Variants in KIF26A observed in about 807,000 individuals in gnomAD.
The protein encoded by KIF26A is kinesin family member 26A.
In KIF26A, 74 loss-of-function variants were observed where a neutral mutation model predicts 126.0. The observed-to-expected ratio is 0.59, with a 90% CI of 0.49 to 0.71. The LOEUF (loss-of-function observed/expected upper bound fraction) is 0.71. Among genes scored for constraint, KIF26A ranks in the 30% least tolerant of loss-of-function variants. The pLI, the probability that KIF26A is intolerant of heterozygous loss-of-function variation, is 0.00. For missense variants in KIF26A, 2,984 were observed against 2,763.3 expected (o/e 1.08, Z -1.79); for synonymous variants, 1,445 against 1,232.7 (o/e 1.17, Z -3.61).
intron 5 of KIF26A, among the ~76,000 whole-genome samples, chr14:104,169,683 C>T (rs960723828): frequency 2.0e-5 from 3 of 152,248 alleles, no homozygotes; most frequent in African/African-American, 7.2e-5. Flanking sequence ...TAAGATAATT[C>T]ATCACAGTGT....
chr14:104,178,508 G>C (rs1364988010), intron 12 of KIF26A, 42 bp from the exon 13 acceptor site: 1 of 1,391,232 alleles, frequency 7.2e-7, no homozygotes, highest in South Asian at 1.6e-5. Context: ...GCTTGGGCTG[G>C]GCCCCGCCTC....
intron 4 of KIF26A, among the ~76,000 whole-genome samples, chr14:104,164,003 C>T (rs1024043043): frequency 6.6e-6 from 1 of 152,316 alleles, no homozygotes; most frequent in Admixed American, 6.5e-5. Flanking sequence ...CACTGCCCTA[C>T]TAAGGACTCC....
At chr14:104,161,369 G>A (rs1303834182) in intron 4 of KIF26A, among the ~76,000 whole-genome samples, 1 of 152,204 alleles carries the variant, frequency 6.6e-6, no homozygotes, top group East Asian at 1.9e-4. Flanking sequence ...GAAGCTCTGG[G>A]TTGGCCATAA....
rs370158892 is a variant in KIF26A at position 104,139,536 on chromosome 14, C to T, written c.288+248C>T. Among the ~76,000 whole-genome samples, 87 of 152,304 alleles carry T rather than the reference C, an allele frequency of 5.7e-4. 1 individual carries two copies. The East Asian group carries it at 0.012, about 21-fold the overall frequency. On this transcript the variant is annotated intron_variant, in intron 2 of 14. Transcript: ENST00000423312. The stretch of plus-strand genomic sequence containing the variant: ...AGGGGCCTGGGCTGGCGTTCCTCCC[C>T]CAGCCCAGATGTCCCACAGCTGGAA...
intron 4 of KIF26A, among the ~76,000 whole-genome samples, chr14:104,164,099 C>G (rs779397541): frequency 2.0e-5 from 3 of 152,032 alleles, no homozygotes; most frequent in African/African-American, 7.2e-5. Context: ...AGAGACAGCT[C>G]CTATTCAAAA....
intron 4 of KIF26A, among the ~76,000 whole-genome samples, chr14:104,166,395 G>A (rs2487306): frequency 6.6e-6 from 1 of 152,252 alleles, no homozygotes; most frequent in East Asian, 1.9e-4. Flanking sequence ...CACCTCATCC[G>A]ACTTTGGAGA....
rs146848241 is a variant in KIF26A, at chr14:104,146,429, C to T, written c.289-5586C>T. ...CCTAGAGGCCTGTGGGGAGAGGGTCCTGAGGGCGGAGGCCAGGAGGTCTGA... is the reference window on the plus strand; with the variant it reads ...CCTAGAGGCCTGTGGGGAGAGGGTCTTGAGGGCGGAGGCCAGGAGGTCTGA... On this transcript the variant is annotated intron_variant, in intron 2 of 14. Coordinates refer to ENST00000423312, the MANE Select transcript of KIF26A (RefSeq NM_015656.2). 3.6e-3 allele frequency among the ~76,000 whole-genome samples: 542 copies of T among 152,202 alleles called. 2 individuals carry two copies. The highest frequency in any genetic ancestry group is 6.1e-3 in the Admixed American group (94 of 15,298).
At chr14:104,168,483 G>A (rs2037927676) in intron 5 of KIF26A, among the ~76,000 whole-genome samples, 1 of 152,164 alleles carries the variant, frequency 6.6e-6, no homozygotes, top group Non-Finnish European at 1.5e-5. Flanking sequence ...GGCCTGTGGG[G>A]CAGACCTGAC....
At position 104,171,881 on chromosome 14, in the gene KIF26A, T is replaced by C; in HGVS notation, c.1272T>C (p.Ala424=). The C allele has an allele frequency of 6.4e-7, 1 of 1,559,406 alleles. No individual in the cohort carries two copies. The highest frequency in any genetic ancestry group is 8.7e-7 in the Non-Finnish European group (1 of 1,152,592). The change falls in exon 6 of 15, where the codon GCT becomes GCC. Residue 424 remains alanine, a synonymous_variant. Coordinates refer to ENST00000423312, the MANE Select transcript of KIF26A (RefSeq NM_015656.2). ...CAGGCCCCCGGCGAGCCGCCACTGC[T>C]GCAGTTCCCAAGATGTTTGCCTTCG... ...GSAGPRRAAT[A]AVPKMFAFDA...
intron 2 of KIF26A, among the ~76,000 whole-genome samples, chr14:104,149,747 C>T (rs764826596): frequency 1.3e-5 from 2 of 152,208 alleles, no homozygotes; most frequent in Non-Finnish European, 2.9e-5. Context: ...TCCTTCCTGC[C>T]TCCTGCTGTG....
rs973398206 is a variant in KIF26A at position 104,138,672 on chromosome 14, G to A, written c.-51G>A. On this transcript the variant is annotated 5_prime_UTR_variant, in exon 1 of 15. Transcript: ENST00000423312. Reference sequence around the variant, plus strand: ...GGATCACGTAGCCGCGGCGCCCCCGGAGAGCCAGCGTGGCCGGGAGCGCCT... The same window carrying A: ...GGATCACGTAGCCGCGGCGCCCCCGAAGAGCCAGCGTGGCCGGGAGCGCCT... The A allele has an allele frequency of 2.4e-6, 3 of 1,248,922 alleles. No individual in the cohort carries two copies. Among genetic ancestry groups the A allele is most frequent in the South Asian group, 5.1e-5 (2 of 38,874 alleles). The allele number at this position is 1,248,922 out of a possible 1,614,324, so 77.4% of individuals were successfully genotyped here.
At chr14:104,138,861 C>G in intron 1 of KIF26A, 97 bp downstream of exon 1, 1 of 1,259,782 alleles carries the variant, frequency 7.9e-7, no homozygotes, top group Non-Finnish European at 1.0e-6. Context: ...GGCCGGGCCT[C>G]CTGCTGAGGG....
chr14:104,159,662 C>CG (rs1170696003), intron 4 of KIF26A, among the ~76,000 whole-genome samples: 1 of 152,220 alleles, frequency 6.6e-6, no homozygotes, highest in Non-Finnish European at 1.5e-5. Flanking sequence ...TCTCCCAAGG[C>CG]GGGGGCGCTG....
intron 4 of KIF26A, among the ~76,000 whole-genome samples, chr14:104,164,422 CT>C (rs1327489769): frequency 1.3e-5 from 2 of 152,194 alleles, no homozygotes; most frequent in Admixed American, 1.3e-4. Context: ...TCGTTCACCC[CT>C]GTGGCGTCCT....
In KIF26A at chr14:104,178,669, G is replaced by T. The variant is rs1352668595; in HGVS notation, c.5230G>T (p.Glu1744Ter). 1 of 1,559,714 alleles carries T rather than the reference G, an allele frequency of 6.4e-7. No individual in the cohort carries two copies. Among genetic ancestry groups the T allele is most frequent in the Non-Finnish European group, 8.7e-7 (1 of 1,152,654 alleles). ...CCCGCCCCTGGCTGGCTCCCTGAAG[G>T]AGCCGTTCGAGATCAAGGTGTACGA... Reference protein sequence around the residue: ...LPPPLAGSLKEPFEIKVYEID... With the variant: ...LPPPLAGSLK The change falls in exon 13 of 15, where the codon GAG becomes TAG. Residue 1744 changes from glutamate to a stop codon, truncating the protein, a stop_gained. Transcript: ENST00000423312. LOFTEE classifies it high-confidence loss of function.
rs1418076156 is a variant in KIF26A at position 104,173,860 on chromosome 14, G to T, written c.2022G>T (p.Val674=). 3 of 1,592,850 alleles carry T rather than the reference G, an allele frequency of 1.9e-6. No homozygotes were observed. The highest frequency in any genetic ancestry group is 2.2e-5 in the South Asian group (2 of 90,336). Residue 674 remains valine (V), a synonymous_variant, in exon 10 of 15, where the codon GTG becomes GTT. Coordinates refer to ENST00000423312, the MANE Select transcript of KIF26A (RefSeq NM_015656.2). ...ILALVNGAKH[V]PYRDHRLTML... ...CCCTGGTCAACGGAGCCAAGCATGT[G>T]CCGTATCGGTGAGTGTAGGGCCTGG...
At chr14:104,174,078 T>C (rs971587643) in intron 10 of KIF26A, 70 bp from the exon 11 acceptor site, 44 of 1,456,138 alleles carry the variant, frequency 3.0e-5, no homozygotes, top group Non-Finnish European at 4.0e-5. Flanking sequence ...ATCCCAGGGC[T>C]GCCCTTGGCC....
In KIF26A at chr14:104,176,969, C is replaced by T; in HGVS notation, c.4181C>T (p.Ala1394Val). 1.3e-6 allele frequency: 2 copies of T among 1,535,978 alleles called. No homozygotes were observed. The highest frequency in any genetic ancestry group is 1.4e-5 in the African/African-American group (1 of 73,184). Residue 1394 changes from alanine (A) to valine (V), a missense_variant, in exon 12 of 15, where the codon GCT (alanine) becomes GTT (valine). Ala to Val is a moderately conservative substitution (Grantham distance 64). Coordinates refer to ENST00000423312, the MANE Select transcript of KIF26A (RefSeq NM_015656.2). ...AVNPARVGAA[A>V]VLRGEEEPRP... is the part of the protein sequence containing the mutation. ...AACCCGGCGCGGGTCGGGGCTGCTG[C>T]TGTCCTTCGAGGGGAGGAGGAGCCC...
intron 3 of KIF26A, among the ~76,000 whole-genome samples, chr14:104,153,439 A>C: frequency 8.4e-6 from 1 of 118,772 alleles, no homozygotes; most frequent in Non-Finnish European, 1.9e-5. Context: ...AGGGAGCCCC[A>C]CCCTTGCCAC....
Sources: gnomAD v4.1 joint callset for allele counts (sites outside exome capture counted in the v4.1 genomes callset) on GRCh38, gnomAD v4.1.1 for gene constraint, MANE v1.5 for transcripts, NCBI Gene and HGNC (gene_info 2026-07-23, HGNC 2026-07-21) for gene names.